Variants in RAD51C observed in about 807,000 individuals in gnomAD.
The protein encoded by RAD51C is DNA repair protein RAD51 homolog 3.
In RAD51C, 42 loss-of-function variants were observed where a neutral mutation model predicts 45.0. That is an observed-to-expected ratio of 0.93 (90% confidence interval 0.73 to 1.21). RAD51C has a LOEUF of 1.21. Ranked by LOEUF, RAD51C falls within the 50% of genes most tolerant of loss-of-function variation. The pLI is 0.00. For synonymous variants in RAD51C, 172 were observed against 159.8 expected (o/e 1.08, Z -0.58); for missense variants, 474 against 452.2 (o/e 1.05, Z -0.44).
Position 58,734,364 on chromosome 17 carries a change from C to T in RAD51C, c.*142C>T. 1 of 1,396,602 alleles carries T rather than the reference C, an allele frequency of 7.2e-7. No homozygotes were observed. Among genetic ancestry groups the T allele is most frequent in the South Asian group, 1.4e-5 (1 of 71,750 alleles). The allele number at this position is 1,396,602 out of a possible 1,614,324, so 86.5% of individuals were successfully genotyped here. Reference sequence around the variant, plus strand: ...CATATGAAGTGAATGGGAAAAATACCTAAATATGATTCTGTGAAAGTTTTT... The same window carrying T: ...CATATGAAGTGAATGGGAAAAATACTTAAATATGATTCTGTGAAAGTTTTT... On this transcript the variant is annotated 3_prime_UTR_variant, in exon 9 of 9. Transcript: ENST00000337432.
At chr17:58,728,637 G>T (rs1241764259) in intron 7 of RAD51C, among the ~76,000 whole-genome samples, 1 of 151,916 alleles carries the variant, frequency 6.6e-6, no homozygotes, top group African/African-American at 2.4e-5. Flanking sequence ...AACTCAGTCA[G>T]TCCACCTACC....
At chr17:58,703,753 G>A (rs1443908563) in intron 4 of RAD51C, among the ~76,000 whole-genome samples, 2 of 151,682 alleles carry the variant, frequency 1.3e-5, no homozygotes, top group Non-Finnish European at 2.9e-5. Context: ...GAGCCCAGTA[G>A]TTCAAAACCA....
At chr17:58,720,601 T>G in intron 5 of RAD51C, 145 bp from the exon 6 acceptor site, 1 of 625,196 alleles carries the variant, frequency 1.6e-6, no homozygotes, top group Non-Finnish European at 2.9e-6. Flanking sequence ...GCCTCCGGAG[T>G]AGCTGGGATT....
chr17:58,698,060 A>G (rs1270171162), intron 3 of RAD51C, among the ~76,000 whole-genome samples: 15 of 149,518 alleles, frequency 1.0e-4, no homozygotes, highest in Admixed American at 8.7e-4. Context: ...GGCCCAGGCT[A>G]GAGTACAGTG....
At position 58,692,610 on chromosome 17, in the gene RAD51C, T is replaced by C; in HGVS notation, c.-34T>C. 6.2e-7 allele frequency: 1 copy of C among 1,612,642 alleles called. No individual in the cohort carries two copies. The highest frequency in any genetic ancestry group is 8.5e-7 in the Non-Finnish European group (1 of 1,179,932). ...CACGCCCCAGCGAGGGCGTGCGGAG[T>C]TTGGCTGCTCCGGGGTTAGCAGGTG... On this transcript the variant is annotated 5_prime_UTR_variant, in exon 1 of 9. Coordinates refer to ENST00000337432, the MANE Select transcript of RAD51C (RefSeq NM_058216.3).
At chr17:58,717,857 A>G (rs1425786891) in intron 5 of RAD51C, among the ~76,000 whole-genome samples, 1 of 152,256 alleles carries the variant, frequency 6.6e-6, no homozygotes, top group African/African-American at 2.4e-5. Flanking sequence ...GAGGGGAGCT[A>G]GAAGAAAATC....
intron 6 of RAD51C, 71 bp from the exon 7 acceptor site, chr17:58,723,969 C>A (rs1435497848): frequency 7.7e-7 from 1 of 1,291,444 alleles, no homozygotes; most frequent in South Asian, 1.2e-5. Flanking sequence ...TATATTTGAT[C>A]AGAGGCGTTC....
chr17:58,707,789 A>G (rs536940274), intron 4 of RAD51C, among the ~76,000 whole-genome samples: 3 of 152,236 alleles, frequency 2.0e-5, no homozygotes, highest in East Asian at 1.9e-4. Context: ...ATTTTCTTAC[A>G]GTTCTGGAGA....
chr17:58,730,733 T>C (rs191780884), intron 7 of RAD51C, among the ~76,000 whole-genome samples: 1 of 152,306 alleles, frequency 6.6e-6, no homozygotes, highest in East Asian at 1.9e-4. Flanking sequence ...GAGAATCTTA[T>C]TTTCCTCTAG....
At chr17:58,712,144 C>G (rs148519756) in intron 5 of RAD51C, among the ~76,000 whole-genome samples, 5 of 151,518 alleles carry the variant, frequency 3.3e-5, no homozygotes, top group African/African-American at 1.2e-4. Flanking sequence ...GTCAGGAGTT[C>G]GAGACCAGCC....
At position 58,734,302 on chromosome 17, in the gene RAD51C, T is replaced by A. The variant is rs1598540765; in HGVS notation, c.*80T>A. 6.4e-7 allele frequency: 1 copy of A among 1,554,886 alleles called. No homozygotes were observed. Among genetic ancestry groups the A allele is most frequent in the Non-Finnish European group, 8.7e-7 (1 of 1,147,482 alleles). ...TACAAGTGGACTTGTTACCTTAAAG[T>A]ATAAATAAACACACTATGGCATGAA... is the stretch of plus-strand genomic sequence containing the variant. On this transcript the variant is annotated 3_prime_UTR_variant, in exon 9 of 9. Coordinates refer to ENST00000337432, the MANE Select transcript of RAD51C (RefSeq NM_058216.3).
chr17:58,709,684 C>A, intron 4 of RAD51C, 175 bp from the exon 5 acceptor site: 1 of 569,466 alleles, frequency 1.8e-6, no homozygotes, highest in South Asian at 2.2e-5. Flanking sequence ...TTAATTGACA[C>A]CTCCTTTCCT....
Position 58,709,917 on chromosome 17 carries a change from T to C in RAD51C, c.764T>C (p.Leu255Pro), listed in dbSNP as rs1567799667. Reference protein sequence around the residue: ...AFPFRHDLDDLSLRTRLLNGL... With the variant: ...AFPFRHDLDDPSLRTRLLNGL... ...CCATTTCGTCATGACCTAGATGACC[T>C]GTCTCTTCGTACTCGGTTATTAAAT... is the stretch of plus-strand genomic sequence containing the variant. Residue 255 changes from leucine (L) to proline (P), a missense_variant, in exon 5 of 9, where the codon CTG becomes CCG. Physicochemically the swap from Leu to Pro is moderately conservative, Grantham distance 98. Transcript: ENST00000337432. The C allele has an allele frequency of 6.2e-7, 1 of 1,611,500 alleles. No individual in the cohort carries two copies. The highest frequency in any genetic ancestry group is 8.5e-7 in the Non-Finnish European group (1 of 1,177,658).
chr17:58,694,853 T>G, intron 1 of RAD51C, 78 bp from the exon 2 acceptor site: 1 of 1,292,980 alleles, frequency 7.7e-7, no homozygotes, highest in South Asian at 1.2e-5. Flanking sequence ...GTCTACAAAT[T>G]AATAAAGACA....
In RAD51C at chr17:58,726,602, A is replaced by G. The variant is rs1031401096; in HGVS notation, c.965+2502A>G. Among the ~76,000 whole-genome samples the G allele has an allele frequency of 4.1e-4, 45 of 110,736 alleles. 3 individuals carry two copies. The highest frequency in any genetic ancestry group is 9.2e-4 in the Non-Finnish European group (41 of 44,492). 72.6% of individuals were successfully genotyped at this position (110,736 alleles called of 152,430 possible). A position where few individuals can be genotyped will look rare whatever the true frequency, so the allele number is the denominator to read the frequency against. ...TATACATATAGATGTATATATGTATATACGTGTATGTATATATGTGTATAC... is the reference window on the plus strand; with the variant it reads ...TATACATATAGATGTATATATGTATGTACGTGTATGTATATATGTGTATAC... On this transcript the variant is annotated intron_variant, in intron 7 of 8. Transcript: ENST00000337432.
chr17:58,706,260 C>T (rs997919069), intron 4 of RAD51C, among the ~76,000 whole-genome samples: 1 of 151,970 alleles, frequency 6.6e-6, no homozygotes, highest in Non-Finnish European at 1.5e-5. Flanking sequence ...AACCCTGTCT[C>T]TACTAAAAAT....
At chr17:58,701,123 A>T (rs2048198355) in intron 3 of RAD51C, among the ~76,000 whole-genome samples, 4 of 151,474 alleles carry the variant, frequency 2.6e-5, no homozygotes, top group Admixed American at 2.6e-4. Flanking sequence ...CTGGTCTTGA[A>T]CTCACGGGCT....
chr17:58,724,415 ACT>A (rs748214331), intron 7 of RAD51C, among the ~76,000 whole-genome samples: 11 of 151,678 alleles, frequency 7.3e-5, no homozygotes, highest in Non-Finnish European at 1.2e-4. Context: ...GGAGGTGAGT[ACT>A]CTGTGTTCCT....
chr17:58,722,860 G>A (rs1396533309), intron 6 of RAD51C, among the ~76,000 whole-genome samples: 1 of 152,076 alleles, frequency 6.6e-6, no homozygotes, highest in Admixed American at 6.6e-5. Context: ...CTGTTCTTTG[G>A]TCTTCTATTG....
Sources: allele counts gnomAD v4.1 joint callset (sites outside exome capture counted in the v4.1 genomes callset), GRCh38; gene constraint gnomAD v4.1.1; transcripts MANE v1.5; gene names NCBI Gene and HGNC (gene_info 2026-07-23, HGNC 2026-07-21).